CARS1: variants seen among roughly 807,000 people sequenced by gnomAD.
The protein encoded by CARS1 is cysteinyl-tRNA synthetase 1, also known as cysteine--tRNA ligase, cytoplasmic.
CARS1 carries 48 observed loss-of-function variants against 106.2 expected under a neutral mutation model. The ratio of observed to expected loss-of-function variants is 0.45; its 90% CI spans 0.36 to 0.57. CARS1 has a LOEUF of 0.57. Among genes scored for constraint, CARS1 ranks in the 20% least tolerant of loss-of-function variants. CARS1 has a pLI of 0.00. For missense variants in CARS1, 968 were observed against 1,057.2 expected (o/e 0.92, Z 1.17); for synonymous variants, 409 against 403.4 (o/e 1.01, Z -0.17).
At chr11:3,016,459 G>A (rs1362036303) in intron 16 of CARS1, among the ~76,000 whole-genome samples, 1 of 152,040 alleles carries the variant, frequency 6.6e-6, no homozygotes, top group Non-Finnish European at 1.5e-5. Context: ...TCCTGACCTT[G>A]TGATCCGCCC....
chr11:3,040,800 A>G lies in CARS1; in HGVS notation c.455+96T>C, dbSNP rs1309946264. On this transcript the variant is annotated intron_variant, in intron 4 of 22. Coordinates refer to ENST00000380525, the MANE Select transcript of CARS1 (RefSeq NM_001014437.3). The surrounding 1 kb of genome is among the most constrained non-coding windows in gnomAD (Gnocchi z 5.8). ...CTCAGGTCTCTGTAGCAGATCTAAG[A>G]TCTTTGTGGACCTAAGATCGCTGCT... The G allele has an allele frequency of 2.4e-6, 3 of 1,260,532 alleles. No individual in the cohort carries two copies. The highest frequency in any genetic ancestry group is 3.4e-6 in the Non-Finnish European group (3 of 888,146). The allele number at this position is 1,260,532 out of a possible 1,614,324, so 78.1% of individuals were successfully genotyped here.
At chr11:3,054,749 G>T (rs1358894451) in intron 1 of CARS1, 1 of 635,080 alleles carries the variant, frequency 1.6e-6, no homozygotes, top group Non-Finnish European at 2.8e-6. Flanking sequence ...CCCCAAGGGT[G>T]GCAGGAGATA....
At chr11:3,016,930 C>T (rs936466920) in intron 16 of CARS1, among the ~76,000 whole-genome samples, 176 bp downstream of exon 16, 4 of 152,146 alleles carry the variant, frequency 2.6e-5, no homozygotes, top group Non-Finnish European at 5.9e-5. Flanking sequence ...TTATTTCTAA[C>T]GCGTGAAAAG....
chr11:3,026,872 A>G, intron 9 of CARS1, 75 bp from the exon 10 acceptor site: 1 of 1,533,442 alleles, frequency 6.5e-7, no homozygotes, highest in South Asian at 1.2e-5. Context: ...ACAGTAACAA[A>G]ATAAAGCAGG....
rs1405315863 is a variant in CARS1, at chr11:3,020,040, C to A, written c.1266+180G>T. ...GAGGGAAGTGATTTGTCCAGAGACT[C>A]AGGGAGTCTCCATGATGTCCAGGTC... is the stretch of plus-strand genomic sequence containing the variant. On this transcript the variant is annotated intron_variant, in intron 11 of 22. Coordinates refer to ENST00000380525, the MANE Select transcript of CARS1 (RefSeq NM_001014437.3). This position sits in a 1 kb window ranked among gnomAD's most constrained non-coding sequence, Gnocchi z 4.6. Among the ~76,000 whole-genome samples the A allele has an allele frequency of 1.3e-5, 2 of 152,238 alleles. No individual in the cohort carries two copies. Among genetic ancestry groups the A allele is most frequent in the Non-Finnish European group, 2.9e-5 (2 of 68,044 alleles).
Position 3,001,108 on chromosome 11 carries a change from G to GC in CARS1, c.*5dup. On this transcript the variant is annotated 3_prime_UTR_variant, in exon 23 of 23. Coordinates refer to ENST00000380525, the MANE Select transcript of CARS1 (RefSeq NM_001014437.3). ...CAATGGTTTAAAAAGTCAGTCCTGT[G>GC]CCCCCTCACTGGAAGCTTCCATTCT... 1 of 1,613,858 alleles carries GC rather than the reference G, an allele frequency of 6.2e-7. No individual in the cohort carries two copies. Among genetic ancestry groups the GC allele is most frequent in the Non-Finnish European group, 8.5e-7 (1 of 1,179,978 alleles).
At position 3,007,010 on chromosome 11, in the gene CARS1, C is replaced by A. The variant is rs1018442655; in HGVS notation, c.2069-51G>T. 7 of 1,435,276 alleles carry A rather than the reference C, an allele frequency of 4.9e-6. No individual in the cohort carries two copies. The African/African-American group carries it at 9.8e-5, about 20-fold the overall frequency. 88.9% of individuals were successfully genotyped at this position (1,435,276 alleles called of 1,614,324 possible). On this transcript the variant is annotated intron_variant, in intron 18 of 22. Transcript: ENST00000380525. ...TCAGACATGGAGGAGCCAGGGCCCA[C>A]ACAACCAGTGCCTCCTCCAGTGCTG...
rs757857649 is a variant in CARS1 at position 3,047,852 on chromosome 11, C to T, written c.175G>A (p.Ala59Thr). 1.8e-5 allele frequency: 29 copies of T among 1,613,986 alleles called. No homozygotes were observed. The highest frequency in any genetic ancestry group is 8.0e-5 in the African/African-American group (6 of 74,902). ...GCCACGTGGAAGAGCTGGGGGTCAGCGGGCGGGGCCGAGAGCTGCCTGAAC... is the reference window on the plus strand; with the variant it reads ...GCCACGTGGAAGAGCTGGGGGTCAGTGGGCGGGGCCGAGAGCTGCCTGAAC... The part of the protein sequence containing the change: ...DAFRQLSAPP[A>T]DPQLFHVARW... The change falls in exon 2 of 23, where the codon GCT becomes ACT. Residue 59 changes from alanine to threonine, a missense_variant. Ala to Thr is a moderately conservative substitution (Grantham distance 58). Coordinates refer to ENST00000380525, the MANE Select transcript of CARS1 (RefSeq NM_001014437.3).
intron 19 of CARS1, among the ~76,000 whole-genome samples, chr11:3,006,599 T>G (rs992584476): frequency 1.3e-5 from 2 of 152,192 alleles, no homozygotes; most frequent in Non-Finnish European, 2.9e-5. Context: ...TCAAAGGCGG[T>G]AGCAACAGGG....
At chr11:3,023,632 C>T (rs543114073) in intron 10 of CARS1, among the ~76,000 whole-genome samples, 16 of 152,202 alleles carry the variant, frequency 1.1e-4, no homozygotes, top group African/African-American at 3.4e-4. Flanking sequence ...TGGCCTCAAG[C>T]GATCCTCCTG....
chr11:3,025,424 C>T (rs576713203), intron 10 of CARS1, among the ~76,000 whole-genome samples: 2 of 152,260 alleles, frequency 1.3e-5, no homozygotes, highest in African/African-American at 4.8e-5. Flanking sequence ...GATGGGGTTT[C>T]GCCATGTTGG....
rs752174600 is a variant in CARS1, at chr11:3,029,299, T to G, written c.942+4A>C. On this transcript the variant is annotated splice_donor_region_variant and intron_variant, in intron 8 of 22. Transcript: ENST00000380525. The surrounding 1 kb of genome is among the most constrained non-coding windows in gnomAD (Gnocchi z 5.9). ...AGCCAGCACAAGACAATCGTGACACTTACATTCAGAGCTTCCATGTCTCTG... is the reference window on the plus strand; with the variant it reads ...AGCCAGCACAAGACAATCGTGACACGTACATTCAGAGCTTCCATGTCTCTG... The G allele has an allele frequency of 4.0e-5, 64 of 1,613,956 alleles. No individual in the cohort carries two copies. Among genetic ancestry groups the G allele is most frequent in the Admixed American group, 8.3e-5 (5 of 60,012 alleles).
chr11:3,037,654 A>G lies in CARS1; in HGVS notation c.801+396T>C, dbSNP rs770665233. On this transcript the variant is annotated intron_variant, in intron 7 of 22. Coordinates refer to ENST00000380525, the MANE Select transcript of CARS1 (RefSeq NM_001014437.3). The surrounding 1 kb of genome is among the most constrained non-coding windows in gnomAD (Gnocchi z 5.9). Reference sequence around the variant, plus strand: ...GCTCAGTAGGTACCCACAGGCCTCAATGCTCAATTCAATGTTAATCCCTGC... The same window carrying G: ...GCTCAGTAGGTACCCACAGGCCTCAGTGCTCAATTCAATGTTAATCCCTGC... Among the ~76,000 whole-genome samples the G allele has an allele frequency of 6.6e-6, 1 of 152,188 alleles. No homozygotes were observed. Among genetic ancestry groups the G allele is most frequent in the Non-Finnish European group, 1.5e-5 (1 of 68,024 alleles).
chr11:3,012,164 T>TC (rs745803755), intron 18 of CARS1, 31 bp downstream of exon 18: 1 of 1,591,148 alleles, frequency 6.3e-7, no homozygotes, highest in South Asian at 1.1e-5. Flanking sequence ...GGGGAGTGGC[T>TC]CCCACACTCT....
Position 3,029,478 on chromosome 11 carries a change from C to G in CARS1, c.802-35G>C. On this transcript the variant is annotated intron_variant, in intron 7 of 22. Transcript: ENST00000380525. The surrounding 1 kb of genome is among the most constrained non-coding windows in gnomAD (Gnocchi z 5.9). ...AAGAAACAAAAATCCAGCAGCGGGC[C>G]ACACACTTCACATGAGAACATCTCG... 1.2e-6 allele frequency: 2 copies of G among 1,607,622 alleles called. No individual in the cohort carries two copies. The highest frequency in any genetic ancestry group is 3.3e-5 in the Admixed American group (2 of 59,980).
At chr11:3,001,314 T>G in intron 22 of CARS1, 66 bp from the exon 23 acceptor site, 17 of 1,585,296 alleles carry the variant, frequency 1.1e-5, no homozygotes, top group Non-Finnish European at 1.4e-5. Context: ...CTCCCCTTTC[T>G]TTGCCCTCCC....
Position 3,012,193 on chromosome 11 carries a change from A to C in CARS1, c.2068+2T>G. 1 of 1,613,700 alleles carries C rather than the reference A, an allele frequency of 6.2e-7. No homozygotes were observed. The highest frequency in any genetic ancestry group is 8.5e-7 in the Non-Finnish European group (1 of 1,179,632). The stretch of plus-strand genomic sequence containing the variant: ...ACACTCTTTCCAGCAACTGGTCCTC[A>C]CCTTTTTGCTCTCGGGCAATCTTCC... On this transcript the variant is annotated splice_donor_variant, in intron 18 of 22. Transcript: ENST00000380525. LOFTEE classifies it high-confidence loss of function.
intron 1 of CARS1, among the ~76,000 whole-genome samples, chr11:3,049,671 C>T (rs1855460957): frequency 6.6e-6 from 1 of 152,252 alleles, no homozygotes; most frequent in Admixed American, 6.5e-5. Flanking sequence ...CATGTCTGGC[C>T]ACCCCTTGCT....
chr11:3,009,216 A>T (rs1850208136), intron 18 of CARS1: 1 of 152,276 alleles, frequency 6.6e-6, no homozygotes, highest in Non-Finnish European at 1.5e-5. Flanking sequence ...ATGGAAGAAT[A>T]GACAGATCAG....
Sources: gnomAD v4.1 joint callset for allele counts (sites outside exome capture counted in the v4.1 genomes callset) on GRCh38, gnomAD v4.1.1 for gene constraint, Gnocchi (gnomAD v3.1) non-coding constraint, MANE v1.5 for transcripts, NCBI Gene and HGNC (gene_info 2026-07-23, HGNC 2026-07-21) for gene names.